RGS6: variants seen among roughly 807,000 people sequenced by gnomAD.
The protein encoded by RGS6 is regulator of G protein signaling 6.
In RGS6, 30 loss-of-function variants were observed where a neutral mutation model predicts 78.5. That is an observed-to-expected ratio of 0.38 (90% CI 0.29 to 0.52). The LOEUF (loss-of-function observed/expected upper bound fraction) is 0.52. Among genes scored for constraint, RGS6 ranks in the 20% least tolerant of loss-of-function variants. RGS6 has a pLI of 0.85. For synonymous variants in RGS6, 206 were observed against 206.0 expected (o/e 1.00, Z 0.00); for missense variants, 495 against 609.7 (o/e 0.81, Z 1.98).
chr14:72,537,296 G>A (rs766593605), intron 16 of RGS6, among the ~76,000 whole-genome samples: 1 of 152,162 alleles, frequency 6.6e-6, no homozygotes, highest in Non-Finnish European at 1.5e-5. Flanking sequence ...TCTCAGCCAC[G>A]CAAGCCTTCT....
At chr14:72,114,762 C>A (rs2095849213) in intron 2 of RGS6, among the ~76,000 whole-genome samples, 1 of 152,114 alleles carries the variant, frequency 6.6e-6, no homozygotes, top group African/African-American at 2.4e-5. Context: ...GGCTGTTTTT[C>A]CCAGTAAGCT....
chr14:72,598,091 G>C, the RGS6 span, among the ~76,000 whole-genome samples: 8 of 152,352 alleles, frequency 5.3e-5, no homozygotes, highest in African/African-American at 1.7e-4. Flanking sequence ...AGCTGGAAGG[G>C]ACCGGCAACC....
chr14:71,990,743 A>G (rs1463978886), intron 2 of RGS6: 1 of 455,872 alleles, frequency 2.2e-6, no homozygotes, highest in African/African-American at 2.0e-5. Context: ...AGGATCCCCA[A>G]ATTGCTATCC....
At chr14:72,052,285 C>T (rs1334842360) in intron 2 of RGS6, among the ~76,000 whole-genome samples, 3 of 152,152 alleles carry the variant, frequency 2.0e-5, no homozygotes, top group Admixed American at 6.5e-5. Flanking sequence ...TAACATAGAA[C>T]ATATTAATGT....
At chr14:72,001,471 A>AACACAC (rs3053057) in intron 2 of RGS6, among the ~76,000 whole-genome samples, 177 of 146,130 alleles carry the variant, frequency 1.2e-3, no homozygotes, top group South Asian at 1.8e-3. Context: ...ATAAAAACAG[A>AACACAC]ACACACACAC....
intron 3 of RGS6, among the ~76,000 whole-genome samples, chr14:72,402,658 G>GT (rs1238570362): frequency 3.3e-5 from 5 of 152,054 alleles, no homozygotes; most frequent in Non-Finnish European, 5.9e-5. Context: ...TGGTAGGAAC[G>GT]TAAGTTAGTA....
At chr14:72,336,647 T>C (rs1885967001) in intron 2 of RGS6, among the ~76,000 whole-genome samples, 1 of 152,110 alleles carries the variant, frequency 6.6e-6, no homozygotes, top group African/African-American at 2.4e-5. Context: ...AAAAAATAAT[T>C]TCTATGATCT....
chr14:71,880,212 G>C, the RGS6 span, among the ~76,000 whole-genome samples: 2 of 152,180 alleles, frequency 1.3e-5, no homozygotes, highest in South Asian at 2.1e-4. Flanking sequence ...AGGTGACTTG[G>C]GTGCTGTTAA....
upstream of RGS6, among the ~76,000 whole-genome samples, chr14:71,928,848 T>C (rs1332785930): frequency 6.6e-6 from 1 of 152,196 alleles, no homozygotes; most frequent in Non-Finnish European, 1.5e-5. Context: ...CACAAAGTAA[T>C]AGATCAAATC....
chr14:72,363,999 TAAAAA>T (rs55943058), intron 3 of RGS6, among the ~76,000 whole-genome samples: 3 of 46,800 alleles, frequency 6.4e-5, no homozygotes, highest in Middle Eastern at 0.021. Context: ...TGGACAAGGC[TAAAAA>T]AAAAAAAAAA....
chr14:72,213,329 A>G (rs75945288), intron 2 of RGS6, among the ~76,000 whole-genome samples: 109 of 152,258 alleles, frequency 7.2e-4, no homozygotes, highest in African/African-American at 2.5e-3. Context: ...CCAAAGCCAC[A>G]CTGTATACTA....
intron 6 of RGS6, among the ~76,000 whole-genome samples, chr14:72,463,751 C>T (rs961660056): frequency 4.6e-5 from 7 of 152,212 alleles, no homozygotes; most frequent in East Asian, 3.8e-4. Flanking sequence ...CTGGCCCAGT[C>T]GAGCTGGTGA....
intron 2 of RGS6, among the ~76,000 whole-genome samples, chr14:72,209,773 C>T (rs746395399): frequency 1.4e-4 from 22 of 152,170 alleles, no homozygotes; most frequent in Admixed American, 5.9e-4. Context: ...AAATCATGAT[C>T]CTTGTCCTCC....
intron 3 of RGS6, among the ~76,000 whole-genome samples, chr14:72,363,894 A>G (rs1236602657): frequency 2.0e-5 from 3 of 151,038 alleles, no homozygotes; most frequent in Non-Finnish European, 4.4e-5. Flanking sequence ...CTTCCAACAC[A>G]GGAGACAATA....
At chr14:72,302,319 A>C (rs1419055329) in intron 2 of RGS6, among the ~76,000 whole-genome samples, 1 of 152,248 alleles carries the variant, frequency 6.6e-6, no homozygotes, top group Non-Finnish European at 1.5e-5. Flanking sequence ...GGCGGAGCCA[A>C]GATTCGAACC....
At chr14:72,465,884 G>T in intron 7 of RGS6, 62 bp downstream of exon 7, 1 of 1,341,586 alleles carries the variant, frequency 7.5e-7, no homozygotes, top group Non-Finnish European at 1.1e-6. Flanking sequence ...CTGCAGCTCC[G>T]TCTAAGTTTA....
chr14:72,363,999 TAAAAAAAAAAA>T (rs55943058), intron 3 of RGS6, among the ~76,000 whole-genome samples: 2 of 46,802 alleles, frequency 4.3e-5, no homozygotes, highest in African/African-American at 1.3e-4. Context: ...TGGACAAGGC[TAAAAAAAAAAA>T]AAAAAAAAAA....
intron 2 of RGS6, among the ~76,000 whole-genome samples, chr14:72,260,474 T>C (rs1365452691): frequency 1.3e-5 from 2 of 152,234 alleles, no homozygotes; most frequent in Non-Finnish European, 2.9e-5. Context: ...CCAGCCACCA[T>C]CACAGCTCTA....
intron 2 of RGS6, among the ~76,000 whole-genome samples, chr14:72,039,812 G>A (rs1431525011): frequency 2.8e-3 from 61 of 21,492 alleles, no homozygotes; most frequent in African/African-American, 0.011. Flanking sequence ...GTGTTTCATT[G>A]ATTTTTTTTT....
Sources: gnomAD v4.1 joint callset for allele counts (sites outside exome capture counted in the v4.1 genomes callset) on GRCh38, gnomAD v4.1.1 for gene constraint, MANE v1.5 for transcripts, NCBI Gene and HGNC (gene_info 2026-07-23, HGNC 2026-07-21) for gene names.